CDH13: variants seen among roughly 807,000 people sequenced by gnomAD.
The protein encoded by CDH13 is cadherin 13.
Under a neutral mutation model 63.8 loss-of-function variants are expected in CDH13, and 24 were observed. That is an observed-to-expected ratio of 0.38 (90% CI 0.27 to 0.53). The LOEUF (loss-of-function observed/expected upper bound fraction) is 0.53. Among genes scored for constraint, CDH13 ranks in the 20% least tolerant of loss-of-function variants. CDH13 has a pLI of 0.85. For missense variants in CDH13, 1,049 were observed against 903.1 expected, an observed-to-expected ratio of 1.16 and a Z score of -2.07; for synonymous variants, 503 against 355.3, an observed-to-expected ratio of 1.42 and a Z score of -4.67.
At chr16:83,094,933 GATC>G (rs1428073913) in intron 3 of CDH13, among the ~76,000 whole-genome samples, 2 of 152,104 alleles carry the variant, frequency 1.3e-5, no homozygotes, top group South Asian at 2.1e-4. Flanking sequence ...GTTTGATGAT[GATC>G]ATCATCATCC....
intron 1 of CDH13, among the ~76,000 whole-genome samples, chr16:82,692,007 C>T (rs1300090203): frequency 1.3e-5 from 2 of 152,188 alleles, no homozygotes; most frequent in African/African-American, 4.8e-5. Flanking sequence ...ATCTTCCCTT[C>T]AATTATGTTT....
chr16:83,065,043 C>G (rs1009327742), intron 3 of CDH13, among the ~76,000 whole-genome samples: 2 of 152,096 alleles, frequency 1.3e-5, no homozygotes, highest in African/African-American at 4.8e-5. Context: ...TAATCACCAT[C>G]CTACTGCTTC....
intron 7 of CDH13, among the ~76,000 whole-genome samples, chr16:83,576,676 G>T (rs1316249254): frequency 2.6e-5 from 4 of 152,126 alleles, no homozygotes; most frequent in African/African-American, 9.7e-5. Context: ...GCTATTTTCT[G>T]TTGTTGCTGT....
At chr16:83,483,835 A>C (rs1290486135) in intron 6 of CDH13, among the ~76,000 whole-genome samples, 1 of 152,146 alleles carries the variant, frequency 6.6e-6, no homozygotes, top group Admixed American at 6.5e-5. Context: ...ATCAGTTTCC[A>C]TAGACTGTGA....
chr16:82,746,986 G>C (rs373100595), intron 1 of CDH13, among the ~76,000 whole-genome samples: 3 of 152,274 alleles, frequency 2.0e-5, no homozygotes, highest in South Asian at 4.1e-4. Context: ...TAGAAACTCA[G>C]AATGTGTTGT....
chr16:83,209,789 T>C (rs982653298), intron 4 of CDH13, among the ~76,000 whole-genome samples: 2 of 150,558 alleles, frequency 1.3e-5, no homozygotes. Context: ...AGAGCTCAGG[T>C]GGATGAGGTT....
intron 8 of CDH13, among the ~76,000 whole-genome samples, chr16:83,655,684 C>G (rs1326283855): frequency 6.6e-6 from 1 of 152,208 alleles, no homozygotes; most frequent in Non-Finnish European, 1.5e-5. Flanking sequence ...GGAATGTCAG[C>G]TCCATGAGGG....
At position 83,486,838 on chromosome 16, in the gene CDH13, C is replaced by G. The variant is rs16960646; in HGVS notation, c.960+183C>G. 0.04 allele frequency among the ~76,000 whole-genome samples: 6,120 copies of G among 152,120 alleles called. 395 individuals are homozygous for G. Among genetic ancestry groups the G allele is most frequent in the African/African-American group, 0.14 (5,732 of 41,448 alleles). ...TGGGATATTATGTGACCCAAGAAAA[C>G]ACGTGCTCTAAAAGGCTAAAGCGCC... is the stretch of plus-strand genomic sequence containing the variant. On this transcript the variant is annotated intron_variant, in intron 7 of 13. Coordinates refer to ENST00000567109, the MANE Select transcript of CDH13 (RefSeq NM_001257.5).
intron 7 of CDH13, among the ~76,000 whole-genome samples, chr16:83,596,788 A>T (rs1454086247): frequency 6.6e-6 from 1 of 152,206 alleles, no homozygotes; most frequent in Non-Finnish European, 1.5e-5. Context: ...TGGGTGTTGT[A>T]CATTCCAAAG....
intron 1 of CDH13, among the ~76,000 whole-genome samples, chr16:82,638,003 TGTG>T (rs1908897981): frequency 6.6e-6 from 1 of 152,188 alleles, no homozygotes; most frequent in African/African-American, 2.4e-5. Context: ...TAATTACAAA[TGTG>T]GTAATTGTTA....
chr16:82,845,053 G>A (rs571875831), intron 1 of CDH13, among the ~76,000 whole-genome samples: 1 of 152,246 alleles, frequency 6.6e-6, no homozygotes, highest in East Asian at 1.9e-4. Flanking sequence ...CAGAGCCTGA[G>A]AGGAGAACCA....
chr16:82,764,964 G>T (rs1597504634), intron 1 of CDH13, among the ~76,000 whole-genome samples: 1 of 151,988 alleles, frequency 6.6e-6, no homozygotes, highest in Non-Finnish European at 1.5e-5. Context: ...ACAGACGTGT[G>T]CCACTATGCC....
At chr16:83,484,351 C>G (rs2073839466) in intron 6 of CDH13, among the ~76,000 whole-genome samples, 1 of 152,208 alleles carries the variant, frequency 6.6e-6, no homozygotes, top group Non-Finnish European at 1.5e-5. Flanking sequence ...GCTTTGATCT[C>G]TTCCGGTTAG....
At chr16:83,094,708 T>C (rs552299161) in intron 3 of CDH13, among the ~76,000 whole-genome samples, 11 of 152,224 alleles carry the variant, frequency 7.2e-5, no homozygotes, top group Admixed American at 1.3e-4. Flanking sequence ...TGTATTTTCA[T>C]TGAAGTAGCA....
intron 2 of CDH13, among the ~76,000 whole-genome samples, chr16:82,984,480 C>T (rs568619856): frequency 1.3e-5 from 2 of 152,272 alleles, no homozygotes; most frequent in Admixed American, 1.3e-4. Context: ...GATTTCTTCG[C>T]TGTAAAATAA....
chr16:83,571,726 C>T (rs1904640290), intron 7 of CDH13, among the ~76,000 whole-genome samples: 1 of 152,118 alleles, frequency 6.6e-6, no homozygotes, highest in African/African-American at 2.4e-5. Context: ...TGTAATTCAC[C>T]CCTCAATTAC....
intron 6 of CDH13, among the ~76,000 whole-genome samples, chr16:83,473,036 C>A (rs2073499726): frequency 6.6e-6 from 1 of 152,136 alleles, no homozygotes; most frequent in African/African-American, 2.4e-5. Flanking sequence ...AAAAGCTACC[C>A]CAGTCTGTGA....
At chr16:82,665,158 G>C (rs1912438693) in intron 1 of CDH13, among the ~76,000 whole-genome samples, 2 of 152,114 alleles carry the variant, frequency 1.3e-5, no homozygotes. Context: ...TCCTTTTCAT[G>C]AACCATTTAA....
chr16:82,875,368 C>G (rs2040469535), intron 2 of CDH13, among the ~76,000 whole-genome samples: 1 of 152,094 alleles, frequency 6.6e-6, no homozygotes, highest in Non-Finnish European at 1.5e-5. Context: ...TAAATCCTGA[C>G]TAACTCAAGA....
Sources: gnomAD v4.1 joint callset for allele counts (sites outside exome capture counted in the v4.1 genomes callset) on GRCh38, gnomAD v4.1.1 for gene constraint, MANE v1.5 for transcripts, NCBI Gene and HGNC (gene_info 2026-07-23, HGNC 2026-07-21) for gene names.